The following MMP26 variants were observed in gnomAD, a reference collection of about 807,000 sequenced individuals.
MMP26 encodes matrix metalloproteinase-26.
A neutral mutation model predicts 31.0 loss-of-function variants in MMP26; 33 were observed. The ratio of observed to expected loss-of-function variants is 1.06; its 90% CI spans 0.81 to 1.42. MMP26 has a LOEUF of 1.42. Among genes scored for constraint, MMP26 ranks in the 40% most tolerant of loss-of-function variants. The pLI, the probability that MMP26 is intolerant of heterozygous loss-of-function variation, is 0.00. For missense variants in MMP26, 347 were observed against 316.1 expected (o/e 1.10, Z -0.74); for synonymous variants, 122 against 114.9 (o/e 1.06, Z -0.40).
At chr11:4,809,584 T>C (rs924842683) in intron 2 of MMP26, among the ~76,000 whole-genome samples, 2 of 152,224 alleles carry the variant, frequency 1.3e-5, no homozygotes, top group African/African-American at 4.8e-5. Flanking sequence ...TCTAGGAAGC[T>C]GTTTTTTCAC....
intron 1 of MMP26, 49 bp downstream of exon 1, chr11:4,705,094 T>C (rs1847757331): frequency 6.6e-6 from 1 of 152,200 alleles, no homozygotes; most frequent in African/African-American, 2.4e-5. Context: ...TTAGGTACTG[T>C]ATAACCTTCA....
chr11:4,821,573 T>C, intron 2 of MMP26: 3 of 1,613,310 alleles, frequency 1.9e-6, no homozygotes, highest in Non-Finnish European at 2.5e-6. Flanking sequence ...CTGTTTGTGG[T>C]CCTCTGTGAA....
rs369681957 is a variant in MMP26, at chr11:4,907,774, C to G, written c.-144-80294C>G. 1.9e-5 allele frequency: 31 copies of G among 1,613,964 alleles called. No homozygotes were observed. The highest frequency in any genetic ancestry group is 3.4e-6 in the Non-Finnish European group (4 of 1,180,018). ...ACAATCCCTTAAGATACAGTTCTAT[C>G]CTCACTAGCAACAGGGTTGCTAAAA... On this transcript the variant is annotated intron_variant, in intron 2 of 7. Transcript: ENST00000380390.
At chr11:4,731,968 G>A (rs2133284582) in intron 1 of MMP26, among the ~76,000 whole-genome samples, 1 of 152,310 alleles carries the variant, frequency 6.6e-6, no homozygotes, top group East Asian at 1.9e-4. Context: ...GATGTTGCCA[G>A]TGAGTTGAAG....
At chr11:4,740,520 A>G (rs11033645) in intron 1 of MMP26, among the ~76,000 whole-genome samples, 13,433 of 151,940 alleles carry the variant, frequency 0.088, 715 homozygotes, top group Middle Eastern at 0.23. Flanking sequence ...CATCTCTACT[A>G]AAAATACAAA....
At chr11:4,865,586 C>T (rs966359770) in intron 2 of MMP26, among the ~76,000 whole-genome samples, 8 of 145,866 alleles carry the variant, frequency 5.5e-5, no homozygotes, top group African/African-American at 2.2e-4. Context: ...TCTTCTTCTT[C>T]CTCCTCCTCC....
chr11:4,722,445 C>T (rs1429089365), intron 1 of MMP26, among the ~76,000 whole-genome samples: 1 of 142,882 alleles, frequency 7.0e-6, no homozygotes, highest in Non-Finnish European at 1.5e-5. Context: ...ATTGGTTTTT[C>T]ACCACCTAAG....
At chr11:4,763,049 T>C (rs963418119) in intron 1 of MMP26, among the ~76,000 whole-genome samples, 1 of 152,200 alleles carries the variant, frequency 6.6e-6, no homozygotes, top group African/African-American at 2.4e-5. Flanking sequence ...TTAAACAATA[T>C]TATAATTCCA....
At chr11:4,841,206 G>C (rs979498131) in intron 2 of MMP26, among the ~76,000 whole-genome samples, 1 of 152,058 alleles carries the variant, frequency 6.6e-6, no homozygotes, top group African/African-American at 2.4e-5. Context: ...AAGAGTTATT[G>C]GTCTTAAAGA....
chr11:4,808,408 C>T (rs1220465539), intron 2 of MMP26, among the ~76,000 whole-genome samples: 1 of 152,042 alleles, frequency 6.6e-6, no homozygotes, highest in African/African-American at 2.4e-5. Flanking sequence ...ACCCAGGATC[C>T]CTGCTACTTC....
chr11:4,898,825 CTCTCTCTGTGTGTGTG>C (rs978346105), intron 2 of MMP26, among the ~76,000 whole-genome samples: 3 of 50,958 alleles, frequency 5.9e-5, no homozygotes, highest in Non-Finnish European at 1.1e-4. Flanking sequence ...CTCTCTCTCT[CTCTCTCTGTGTGTGTG>C]TGTGTGTGTG....
chr11:4,705,437 A>G (rs1195995333), intron 1 of MMP26, among the ~76,000 whole-genome samples: 3 of 152,138 alleles, frequency 2.0e-5, no homozygotes, highest in Non-Finnish European at 4.4e-5. Flanking sequence ...TCTCACCCAT[A>G]AAGGGGAGTT....
At chr11:4,744,833 A>G (rs576075300) in intron 1 of MMP26, among the ~76,000 whole-genome samples, 1 of 152,294 alleles carries the variant, frequency 6.6e-6, no homozygotes, top group South Asian at 2.1e-4. Context: ...ATACATATAC[A>G]TTGTGAAATG....
At chr11:4,764,444 C>A (rs1194146556) in intron 1 of MMP26, among the ~76,000 whole-genome samples, 1 of 152,118 alleles carries the variant, frequency 6.6e-6, no homozygotes, top group Non-Finnish European at 1.5e-5. Flanking sequence ...ATATACTGGG[C>A]CTGTGCACAT....
chr11:4,913,477 C>G (rs1054059457), intron 2 of MMP26: 8 of 152,184 alleles, frequency 5.3e-5, no homozygotes, highest in African/African-American at 1.9e-4. Context: ...TTCAAGCTTG[C>G]TTTCCTCACA....
At chr11:4,861,700 A>G (rs16906815) in intron 2 of MMP26, among the ~76,000 whole-genome samples, 2,715 of 152,238 alleles carry the variant, frequency 0.018, 82 homozygotes, top group African/African-American at 0.06. Flanking sequence ...ACAACCACAC[A>G]TAAAGTATAA....
chr11:4,778,162 T>A (rs1260674846), intron 2 of MMP26, among the ~76,000 whole-genome samples: 1 of 152,070 alleles, frequency 6.6e-6, no homozygotes, highest in Non-Finnish European at 1.5e-5. Context: ...TTCTTATGGG[T>A]GTTCACTGAT....
intron 2 of MMP26, chr11:4,769,275 A>G (rs920599919): frequency 1.9e-6 from 3 of 1,613,806 alleles, no homozygotes; most frequent in Admixed American, 1.7e-5. Context: ...AGGACAATGC[A>G]TGGTGTATCT....
At chr11:4,898,176 A>G (rs1388166531) in intron 2 of MMP26, among the ~76,000 whole-genome samples, 1 of 151,862 alleles carries the variant, frequency 6.6e-6, no homozygotes, top group Non-Finnish European at 1.5e-5. Flanking sequence ...TTTGAAAAAT[A>G]GTTTTGAGAA....
Sources: allele counts gnomAD v4.1 joint callset (sites outside exome capture counted in the v4.1 genomes callset), GRCh38; gene constraint gnomAD v4.1.1; transcripts MANE v1.5; gene names NCBI Gene and HGNC (gene_info 2026-07-23, HGNC 2026-07-21).